Variants in MYH14 observed in about 807,000 individuals in gnomAD.
MYH14 encodes the protein myosin heavy chain 14.
In MYH14, 123 loss-of-function variants were observed where a neutral mutation model predicts 255.5. That is an observed-to-expected ratio of 0.48 (90% CI 0.42 to 0.56). The LOEUF is 0.56. Among genes scored for constraint, MYH14 ranks in the 20% least tolerant of loss-of-function variants. MYH14 has a pLI of 0.00. For missense variants in MYH14, 2,423 were observed against 2,802.3 expected, an observed-to-expected ratio of 0.86 and a Z score of 3.06; for synonymous variants, 1,095 against 1,161.2, an observed-to-expected ratio of 0.94 and a Z score of 1.16.
chr19:50,263,202 A>AAAAC lies in MYH14; in HGVS notation c.2586-94_2586-91dup, dbSNP rs898016159. ...CAACAGAGCAAGACTCTGTCTCAGA[A>AAAAC]AAACAAACAAACAAACAAAGAAAAT... On this transcript the variant is annotated intron_variant, in intron 21 of 42. Coordinates refer to ENST00000642316, the MANE Select transcript of MYH14 (RefSeq NM_001145809.2). The AAAAC allele has an allele frequency of 8.9e-5, 70 of 787,600 alleles. No homozygotes were observed. In the East Asian group the frequency reaches 1.7e-3, roughly 19 times the overall value. 48.8% of individuals were successfully genotyped at this position (787,600 alleles called of 1,614,324 possible). A position where few individuals can be genotyped will look rare whatever the true frequency, so the allele number is the denominator to read the frequency against.
intron 20 of MYH14, 137 bp downstream of exon 20, chr19:50,260,852 T>C (rs1195264046): frequency 4.3e-6 from 3 of 699,704 alleles, no homozygotes; most frequent in Non-Finnish European, 7.6e-6. Context: ...TGTGCGTGTG[T>C]GTGTGCATGC....
intron 5 of MYH14, 122 bp from the exon 6 acceptor site, chr19:50,224,032 T>TGGCCCCCCCCCCCCCCCCCCCCCCCCCC: frequency 1.6e-6 from 1 of 610,324 alleles, no homozygotes. Flanking sequence ...ATGCCCGGTT[T>TGGCCCCCCCCCCCCCCCCCCCCCCCCCC]CCCCAGTCCC....
Position 50,304,376 on chromosome 19 carries a change from G to A in MYH14, c.5678+2507G>A, listed in dbSNP as rs642179. On this transcript the variant is annotated intron_variant, in intron 40 of 42. Coordinates refer to ENST00000642316, the MANE Select transcript of MYH14 (RefSeq NM_001145809.2). ...AGGCCAAGGCGGGCAGATCACTTGA[G>A]ATCAGGAATTCAAGACCAACCTAGC... 8.4e-3 allele frequency among the ~76,000 whole-genome samples: 1,273 copies of A among 152,250 alleles called. 23 individuals carry two copies. Among genetic ancestry groups the A allele is most frequent in the African/African-American group, 0.028 (1,168 of 41,522 alleles).
chr19:50,253,336 G>A (rs2034472244), intron 16 of MYH14, among the ~76,000 whole-genome samples: 1 of 151,946 alleles, frequency 6.6e-6, no homozygotes, highest in South Asian at 2.1e-4. Flanking sequence ...TCAGCTACTA[G>A]GGAGGCTGAG....
At chr19:50,274,437 G>GCCA (rs2035430906) in intron 27 of MYH14, among the ~76,000 whole-genome samples, 1 of 152,144 alleles carries the variant, frequency 6.6e-6, no homozygotes, top group African/African-American at 2.4e-5. Context: ...TGGGACTACA[G>GCCA]GTGCCCACCA....
At chr19:50,298,417 T>C (rs62113913) in intron 39 of MYH14, among the ~76,000 whole-genome samples, 100,539 of 150,838 alleles carry the variant, frequency 0.67, 35,699 homozygotes, top group East Asian at 0.99. Context: ...CACACACACA[T>C]GCACACATGA....
chr19:50,274,015 C>T (rs907708406), intron 27 of MYH14, among the ~76,000 whole-genome samples: 7 of 152,246 alleles, frequency 4.6e-5, no homozygotes, highest in African/African-American at 1.7e-4. Flanking sequence ...CACATCACCT[C>T]TCTAGCCTCA....
chr19:50,261,469 T>C lies in MYH14; in HGVS notation c.2425-6T>C, dbSNP rs1600970339. The C allele has an allele frequency of 3.9e-6, 4 of 1,025,668 alleles. No homozygotes were observed. The highest frequency in any genetic ancestry group is 3.6e-6 in the Non-Finnish European group (3 of 822,928). The allele number at this position is 1,025,668 out of a possible 1,614,324, so 63.5% of individuals were successfully genotyped here. On this transcript the variant is annotated splice_polypyrimidine_tract_variant and splice_region_variant and intron_variant, in intron 20 of 42. Coordinates refer to ENST00000642316, the MANE Select transcript of MYH14 (RefSeq NM_001145809.2). ...TCCGTCATCACCCCTCTCCCACCCCTCACAGATCCAGGCGCTGGAACTGGA... is the reference window on the plus strand; with the variant it reads ...TCCGTCATCACCCCTCTCCCACCCCCCACAGATCCAGGCGCTGGAACTGGA...
chr19:50,208,467 A>C (rs985110145), intron 1 of MYH14, among the ~76,000 whole-genome samples: 1 of 152,076 alleles, frequency 6.6e-6, no homozygotes, highest in African/African-American at 2.4e-5. Flanking sequence ...AAAAAACCCA[A>C]CAAACCCACC....
intron 1 of MYH14, among the ~76,000 whole-genome samples, chr19:50,205,915 G>C (rs2031719720): frequency 6.6e-6 from 1 of 152,126 alleles, no homozygotes; most frequent in Admixed American, 6.5e-5. Context: ...GATGCCAAGG[G>C]CCCCAACCTC....
chr19:50,302,882 C>T (rs1276999716), intron 40 of MYH14, among the ~76,000 whole-genome samples: 1 of 150,462 alleles, frequency 6.6e-6, no homozygotes, highest in African/African-American at 2.4e-5. Context: ...AGCTTAGCAA[C>T]AAGAGTGAAA....
chr19:50,259,565 C>A (rs1450777174), intron 19 of MYH14, among the ~76,000 whole-genome samples: 2 of 152,180 alleles, frequency 1.3e-5, no homozygotes. Flanking sequence ...CATGGTGTTA[C>A]AAATCTGCAT....
chr19:50,260,829 G>GTA, intron 20 of MYH14, 114 bp downstream of exon 20: 1 of 773,928 alleles, frequency 1.3e-6, no homozygotes, highest in South Asian at 1.5e-5. Flanking sequence ...GCAAGTGTGT[G>GTA]TGCATGCACG....
At chr19:50,246,705 C>T (rs897471361) in intron 11 of MYH14, among the ~76,000 whole-genome samples, 1 of 152,170 alleles carries the variant, frequency 6.6e-6, no homozygotes, top group African/African-American at 2.4e-5. Context: ...AACCAATTCC[C>T]GCTTCTTGGG....
intron 11 of MYH14, among the ~76,000 whole-genome samples, chr19:50,246,742 C>T (rs1166841015): frequency 4.6e-5 from 7 of 152,308 alleles, no homozygotes; most frequent in South Asian, 2.1e-4. Context: ...TAGCTTTCTC[C>T]GATTATAAAC....
intron 34 of MYH14, 70 bp downstream of exon 34, chr19:50,286,764 C>G (rs1601028053): frequency 7.3e-7 from 1 of 1,373,558 alleles, no homozygotes; most frequent in East Asian, 2.5e-5. Flanking sequence ...TATGCTTTCA[C>G]ACATAGAACA....
chr19:50,216,947 A>G (rs184912486), intron 2 of MYH14, among the ~76,000 whole-genome samples: 44 of 150,904 alleles, frequency 2.9e-4, no homozygotes, highest in Non-Finnish European at 6.1e-4. Context: ...AGCTGGGACT[A>G]CAGGCATGTG....
intron 34 of MYH14, among the ~76,000 whole-genome samples, chr19:50,288,597 C>T (rs1417530523): frequency 2.6e-5 from 4 of 152,112 alleles, no homozygotes; most frequent in South Asian, 2.1e-4. Flanking sequence ...TTCCACGGAC[C>T]GAAAGTAGAT....
Position 50,211,328 on chromosome 19 carries a change from T to C in MYH14, c.405+558T>C, listed in dbSNP as rs568657359. On this transcript the variant is annotated intron_variant, in intron 2 of 42. Coordinates refer to ENST00000642316, the MANE Select transcript of MYH14 (RefSeq NM_001145809.2). The stretch of plus-strand genomic sequence containing the variant: ...CAGCCTGGGTGACAGCACAAGACCC[T>C]GTCTCAAAAAAAGACAAAAAGCAAA... Among the ~76,000 whole-genome samples the C allele has an allele frequency of 3.3e-5, 5 of 152,208 alleles. No individual in the cohort carries two copies. In the East Asian group the frequency reaches 9.7e-4, roughly 29 times the overall value.
Sources: gnomAD v4.1 joint callset for allele counts (sites outside exome capture counted in the v4.1 genomes callset) on GRCh38, gnomAD v4.1.1 for gene constraint, MANE v1.5 for transcripts, NCBI Gene and HGNC (gene_info 2026-07-23, HGNC 2026-07-21) for gene names.